The following NCAPD3 variants were observed in gnomAD, a reference collection of about 807,000 sequenced individuals.
NCAPD3 encodes condensin-2 complex subunit D3.
Under a neutral mutation model 182.9 loss-of-function variants are expected in NCAPD3, and 105 were observed. The ratio of observed to expected loss-of-function variants is 0.57; its 90% confidence interval spans 0.49 to 0.68. The LOEUF (loss-of-function observed/expected upper bound fraction) is 0.68, where lower values mean the gene tolerates loss of function less well. Among genes scored for constraint, NCAPD3 ranks in the 30% least tolerant of loss-of-function variants. The probability of loss-of-function intolerance (pLI) is 0.00; values close to 1 mark genes in which losing one functional copy is unlikely to be tolerated. For synonymous variants in NCAPD3, 815 were observed against 679.9 expected (o/e 1.20, Z -3.09); for missense variants, 1,944 against 1,837.0 (o/e 1.06, Z -1.07).
intron 24 of NCAPD3, among the ~76,000 whole-genome samples, chr11:134,170,635 C>T (rs368812764): frequency 1.3e-5 from 2 of 152,236 alleles, no homozygotes; most frequent in African/African-American, 4.8e-5. Flanking sequence ...GGACTTATGT[C>T]AATGCCAATC....
At position 134,152,939 on chromosome 11, in the gene NCAPD3, G is replaced by A. The variant is rs1198327888; in HGVS notation, c.*5C>T. 3 of 1,536,312 alleles carry A rather than the reference G, an allele frequency of 2.0e-6. No homozygotes were observed. The highest frequency in any genetic ancestry group is 2.3e-5 in the East Asian group (1 of 44,254). On this transcript the variant is annotated 3_prime_UTR_variant, in exon 35 of 35. Coordinates refer to ENST00000534548, the MANE Select transcript of NCAPD3 (RefSeq NM_015261.3). ...GCCTGCCTGGACACTGGTGGGAGGC[G>A]CTGTTTAGTTGGCTGTTTTCAGAGG...
At chr11:134,198,096 T>C (rs1001042989) in intron 13 of NCAPD3, among the ~76,000 whole-genome samples, 1 of 152,192 alleles carries the variant, frequency 6.6e-6, no homozygotes, top group African/African-American at 2.4e-5. Flanking sequence ...CACTCTAAAA[T>C]TTAACCTGAA....
At chr11:134,168,858 CCT>C (rs1427539670) in intron 25 of NCAPD3, 57 bp downstream of exon 25, 26 of 1,567,292 alleles carry the variant, frequency 1.7e-5, no homozygotes, top group Middle Eastern at 1.7e-4. Flanking sequence ...CCTAACCTCC[CCT>C]GATTCCCCCA....
intron 7 of NCAPD3, among the ~76,000 whole-genome samples, chr11:134,207,421 T>A (rs761227110): frequency 6.6e-6 from 1 of 151,980 alleles, no homozygotes; most frequent in African/African-American, 2.4e-5. Flanking sequence ...AAAACCAACA[T>A]TGCCTGACAT....
intron 28 of NCAPD3, among the ~76,000 whole-genome samples, chr11:134,160,954 T>G (rs562474864): frequency 6.6e-6 from 1 of 152,064 alleles, no homozygotes; most frequent in South Asian, 2.1e-4. Context: ...TTTGTTTTTT[T>G]TTTTCCTTTC....
At chr11:134,223,154 G>A in intron 1 of NCAPD3, 1 of 480,732 alleles carries the variant, frequency 2.1e-6, no homozygotes, top group East Asian at 3.3e-5. Context: ...AACATTAAAG[G>A]TGTACAGGCT....
intron 16 of NCAPD3, among the ~76,000 whole-genome samples, chr11:134,186,633 C>T (rs1033743937): frequency 1.3e-5 from 2 of 152,186 alleles, no homozygotes; most frequent in Non-Finnish European, 2.9e-5. Context: ...TACACTTCTT[C>T]CCTTGATTAA....
intron 24 of NCAPD3, among the ~76,000 whole-genome samples, chr11:134,171,353 T>C (rs1944002159): frequency 6.6e-6 from 1 of 152,192 alleles, no homozygotes; most frequent in Non-Finnish European, 1.5e-5. Flanking sequence ...TCCAGGATAT[T>C]CAAACAGCCC....
intron 27 of NCAPD3, among the ~76,000 whole-genome samples, chr11:134,165,236 G>C (rs775177107): frequency 2.0e-4 from 29 of 148,176 alleles, no homozygotes; most frequent in Non-Finnish European, 4.0e-4. Context: ...TAGGGGAGCA[G>C]CACGCTCACT....
intron 29 of NCAPD3, among the ~76,000 whole-genome samples, 195 bp downstream of exon 29, chr11:134,159,693 TGGAA>T (rs1275130127): frequency 6.6e-6 from 1 of 152,268 alleles, no homozygotes; most frequent in Admixed American, 6.5e-5. Flanking sequence ...CACGTCCTCA[TGGAA>T]GGGAGGTCTG....
intron 4 of NCAPD3, 128 bp from the exon 5 acceptor site, chr11:134,209,605 T>C: frequency 1.2e-6 from 1 of 839,794 alleles, no homozygotes; most frequent in Non-Finnish European, 1.8e-6. Context: ...GATATGACTT[T>C]GACCAGGTCG....
upstream of NCAPD3, chr11:134,224,338 C>A: frequency 3.5e-6 from 1 of 283,050 alleles, no homozygotes; most frequent in Non-Finnish European, 6.8e-6. Flanking sequence ...GCTGCCTTTC[C>A]CGTCAGCACT....
rs1323699712 is a variant in NCAPD3 at position 134,152,398 on chromosome 11, A to T, written c.*546T>A. On this transcript the variant is annotated 3_prime_UTR_variant, in exon 35 of 35. Coordinates refer to ENST00000534548, the MANE Select transcript of NCAPD3 (RefSeq NM_015261.3). The stretch of plus-strand genomic sequence containing the variant: ...TGTAAAATTAAAATGATTACCAATA[A>T]GAGCTCTGTTCTAAAAACAGAAAAA... 6.6e-6 allele frequency: 1 copy of T among 152,268 alleles called. No individual in the cohort carries two copies. The highest frequency in any genetic ancestry group is 1.5e-5 in the Non-Finnish European group (1 of 68,064). 9.4% of individuals were successfully genotyped at this position (152,268 alleles called of 1,614,324 possible).
intron 1 of NCAPD3, among the ~76,000 whole-genome samples, chr11:134,221,964 T>C (rs1591870329): frequency 6.6e-6 from 1 of 152,208 alleles, no homozygotes; most frequent in East Asian, 1.9e-4. Context: ...TTTCCAGTAA[T>C]GTTTTAAAGG....
Position 134,198,126 on chromosome 11 carries a change from G to A in NCAPD3, c.1616-3388C>T, listed in dbSNP as rs1265194447. On this transcript the variant is annotated intron_variant, in intron 13 of 34. Transcript: ENST00000534548. ...CCTGAAGACTGGTTCAGACCATGACGGGATGTGGGGGTCAGACATGCCTCA... is the reference window on the plus strand; with the variant it reads ...CCTGAAGACTGGTTCAGACCATGACAGGATGTGGGGGTCAGACATGCCTCA... Among the ~76,000 whole-genome samples, 3 of 152,272 alleles carry A rather than the reference G, an allele frequency of 2.0e-5. No individual in the cohort carries two copies. The East Asian group carries it at 5.8e-4, about 29-fold the overall frequency.
chr11:134,153,114 C>T (rs1490263549), intron 34 of NCAPD3, 26 bp downstream of exon 34: 4 of 1,613,488 alleles, frequency 2.5e-6, no homozygotes, highest in South Asian at 1.1e-5. Context: ...AAACATCCAC[C>T]TCAAAAGGAA....
At position 134,181,155 on chromosome 11, in the gene NCAPD3, T is replaced by G. The variant is rs374832255; in HGVS notation, c.2481A>C (p.Val827=). Reference sequence around the variant, plus strand: ...AGAGGCGGTGCTCGCAGGTGGAGAGTACATCCCCACACACCTGCGTCAGCA... The same window carrying G: ...AGAGGCGGTGCTCGCAGGTGGAGAGGACATCCCCACACACCTGCGTCAGCA... ...QELLTQVCGD[V]LSTCEHRLSN... is the part of the protein sequence containing the mutation. The change falls in exon 20 of 35, where the codon GTA becomes GTC. Residue 827 remains valine, a synonymous_variant. Coordinates refer to ENST00000534548, the MANE Select transcript of NCAPD3 (RefSeq NM_015261.3). 1.1e-5 allele frequency: 18 copies of G among 1,613,816 alleles called. No individual in the cohort carries two copies. The highest frequency in any genetic ancestry group is 1.5e-5 in the Non-Finnish European group (18 of 1,179,898).
In NCAPD3 at chr11:134,206,662, C is replaced by G; in HGVS notation, c.953G>C (p.Arg318Pro). The change falls in exon 8 of 35, where the codon CGT (arginine) becomes CCT (proline). Residue 318 changes from arginine (R) to proline (P), a missense_variant. Physicochemically the swap from Arg to Pro is moderately radical, Grantham distance 103. Around this residue, in one of 3 missense-constraint regions of NCAPD3, gnomAD observed 1,803 missense variants for 1,674.6 expected, o/e 1.08. Coordinates refer to ENST00000534548, the MANE Select transcript of NCAPD3 (RefSeq NM_015261.3). ...LMLEVGEGSH[R>P]APLAVTSQVI... ...TTGGGAGGTAACAGCAAGGGGGGCACGATGGGATCCTTCACCAACTTCTAA... is the reference window on the plus strand; with the variant it reads ...TTGGGAGGTAACAGCAAGGGGGGCAGGATGGGATCCTTCACCAACTTCTAA... 1 of 1,613,536 alleles carries G rather than the reference C, an allele frequency of 6.2e-7. No homozygotes were observed. Among genetic ancestry groups the G allele is most frequent in the East Asian group, 2.2e-5 (1 of 44,856 alleles).
At chr11:134,168,363 T>C in intron 26 of NCAPD3, 106 bp downstream of exon 26, 1 of 1,536,962 alleles carries the variant, frequency 6.5e-7, no homozygotes, top group Non-Finnish European at 9.0e-7. Context: ...GACAGGGGTC[T>C]TCCTGCAGTG....
Sources: gnomAD v4.1 joint callset for allele counts (sites outside exome capture counted in the v4.1 genomes callset) on GRCh38, gnomAD v4.1.1 for gene constraint, gnomAD v4.1.1 regional missense constraint, MANE v1.5 for transcripts, NCBI Gene and HGNC (gene_info 2026-07-23, HGNC 2026-07-21) for gene names.